The following C19orf81 variants were observed in gnomAD, a reference collection of about 807,000 sequenced individuals.
C19orf81 encodes putative uncharacterized protein C19orf81.
A neutral mutation model predicts 22.1 loss-of-function variants in C19orf81; 19 were observed. The observed-to-expected ratio is 0.86, with a 90% CI of 0.60 to 1.26. C19orf81 has a LOEUF of 1.26. Among genes scored for constraint, C19orf81 ranks in the 50% most tolerant of loss-of-function variants. The pLI, the probability that C19orf81 is intolerant of heterozygous loss-of-function variation, is 0.00. For synonymous variants in C19orf81, 108 were observed against 113.1 expected, an observed-to-expected ratio of 0.95 and a Z score of 0.29; for missense variants, 287 against 280.7, an observed-to-expected ratio of 1.02 and a Z score of -0.16.
rs1004477651 is a variant in C19orf81 at position 50,650,266 on chromosome 19, C to T, written c.67+755C>T. Reference sequence around the variant, plus strand: ...TGCTGACAACTTCAGGCTCCTAGCCCAGCACTTCCTGCTAGCACTCTGTGC... The same window carrying T: ...TGCTGACAACTTCAGGCTCCTAGCCTAGCACTTCCTGCTAGCACTCTGTGC... On this transcript the variant is annotated intron_variant, in intron 1 of 4. Transcript: ENST00000425202. Among the ~76,000 whole-genome samples, 32 of 152,302 alleles carry T rather than the reference C, an allele frequency of 2.1e-4. 1 individual carries two copies. Among genetic ancestry groups the T allele is most frequent in the Admixed American group, 1.8e-3 (28 of 15,302 alleles).
In C19orf81 at chr19:50,659,273, T is replaced by A; in HGVS notation, c.*131T>A. ...GGCCGGCTCGAGGGGGTGGATACTG[T>A]GAGTTTAATTATAAAGAATGACCTG... On this transcript the variant is annotated 3_prime_UTR_variant, in exon 5 of 5. Coordinates refer to ENST00000425202, the MANE Select transcript of C19orf81 (RefSeq NM_001195076.2). 1 of 679,358 alleles carries A rather than the reference T, an allele frequency of 1.5e-6. No homozygotes were observed. The highest frequency in any genetic ancestry group is 2.1e-6 in the Non-Finnish European group (1 of 479,560). 42.1% of individuals were successfully genotyped at this position (679,358 alleles called of 1,614,324 possible). A position where few individuals can be genotyped will look rare whatever the true frequency, so the allele number is the denominator to read the frequency against.
chr19:50,658,221 G>A lies in C19orf81; in HGVS notation c.401+93G>A, dbSNP rs1985044424. ...AGCGTGGTTGGTTTTAGAGCGCTGAGGGACGTGGCCAAGAGTGAAAGCATG... is the reference window on the plus strand; with the variant it reads ...AGCGTGGTTGGTTTTAGAGCGCTGAAGGACGTGGCCAAGAGTGAAAGCATG... On this transcript the variant is annotated intron_variant, in intron 4 of 4. Transcript: ENST00000425202. 36 of 1,309,386 alleles carry A rather than the reference G, an allele frequency of 2.7e-5. 1 individual carries two copies. In the Middle Eastern group the frequency reaches 8.0e-4, roughly 29 times the overall value. 81.1% of individuals were successfully genotyped at this position (1,309,386 alleles called of 1,614,324 possible). A position where few individuals can be genotyped will look rare whatever the true frequency, so the allele number is the denominator to read the frequency against.
intron 1 of C19orf81, among the ~76,000 whole-genome samples, chr19:50,654,140 G>A (rs1265203714): frequency 1.3e-5 from 2 of 152,066 alleles, no homozygotes; most frequent in Admixed American, 1.3e-4. Flanking sequence ...CACCAGGGCC[G>A]GGCTGTCAGT....
chr19:50,650,804 C>A (rs185536120), intron 1 of C19orf81, among the ~76,000 whole-genome samples: 1 of 152,232 alleles, frequency 6.6e-6, no homozygotes, highest in South Asian at 2.1e-4. Flanking sequence ...GCAAAACAGG[C>A]GTTGTTTCTC....
rs971548314 is a variant in C19orf81 at position 50,649,517 on chromosome 19, G to A, written c.67+6G>A. On this transcript the variant is annotated splice_donor_region_variant and intron_variant, in intron 1 of 4. Coordinates refer to ENST00000425202, the MANE Select transcript of C19orf81 (RefSeq NM_001195076.2). Reference sequence around the variant, plus strand: ...CACCATGCACAGGAAGGCAGGTACTGAGCTGTGTCTTTGGGGGAAGGGGTG... The same window carrying A: ...CACCATGCACAGGAAGGCAGGTACTAAGCTGTGTCTTTGGGGGAAGGGGTG... 3.5e-5 allele frequency: 53 copies of A among 1,536,014 alleles called. No homozygotes were observed. Among genetic ancestry groups the A allele is most frequent in the Middle Eastern group, 1.7e-4 (1 of 6,010 alleles).
intron 4 of C19orf81, chr19:50,658,382 T>G (rs1985050264): frequency 3.0e-5 from 6 of 201,090 alleles, no homozygotes; most frequent in African/African-American, 1.3e-4. Flanking sequence ...GAGTGACAGC[T>G]TGGGGGGGCG....
chr19:50,657,033 G>A (rs934510167), intron 3 of C19orf81, among the ~76,000 whole-genome samples: 3 of 151,132 alleles, frequency 2.0e-5, no homozygotes, highest in African/African-American at 7.3e-5. Flanking sequence ...GGAAGGGAGG[G>A]AGGGAAAGAA....
At position 50,656,353 on chromosome 19, in the gene C19orf81, G is replaced by A. The variant is rs1050206561; in HGVS notation, c.261+7G>A. The A allele has an allele frequency of 2.3e-5, 35 of 1,532,658 alleles. No homozygotes were observed. The highest frequency in any genetic ancestry group is 3.1e-5 in the Non-Finnish European group (35 of 1,144,834). The allele number at this position is 1,532,658 out of a possible 1,614,324, so 94.9% of individuals were successfully genotyped here. A position where few individuals can be genotyped will look rare whatever the true frequency, so the allele number is the denominator to read the frequency against. ...CCTCTGCATGGAGACCTTGGTGAGT[G>A]GACCTGTGCCCTTATTTTCTGCACA... On this transcript the variant is annotated splice_region_variant and intron_variant, in intron 3 of 4. Coordinates refer to ENST00000425202, the MANE Select transcript of C19orf81 (RefSeq NM_001195076.2).
At chr19:50,655,955 G>T in intron 1 of C19orf81, 95 bp from the exon 2 acceptor site, 1 of 1,168,648 alleles carries the variant, frequency 8.6e-7, no homozygotes, top group Non-Finnish European at 1.2e-6. Flanking sequence ...AGCTATTCTG[G>T]GTGTGGCATG....
chr19:50,653,582 G>T (rs1198051314), intron 1 of C19orf81, among the ~76,000 whole-genome samples: 3 of 151,956 alleles, frequency 2.0e-5, no homozygotes, highest in African/African-American at 7.3e-5. Flanking sequence ...ACGTGTGTGT[G>T]TGAGAGTGTG....
chr19:50,653,380 G>T (rs150603106), intron 1 of C19orf81, among the ~76,000 whole-genome samples: 36 of 152,170 alleles, frequency 2.4e-4, no homozygotes, highest in African/African-American at 7.9e-4. Context: ...ATATAAAAGG[G>T]ACAGTAAGCA....
In C19orf81 at chr19:50,659,028, GATC is replaced by G; in HGVS notation, c.484_486del (p.Ile162del). 6.5e-7 allele frequency: 1 copy of G among 1,529,708 alleles called. No individual in the cohort carries two copies. Among genetic ancestry groups the G allele is most frequent in the Non-Finnish European group, 8.7e-7 (1 of 1,143,526 alleles). 94.8% of individuals were successfully genotyped at this position (1,529,708 alleles called of 1,614,324 possible). ...TCAGTCCCCGCGGGCTTGCGCACCA[GATC>G]GTGCGCCACGACGACCTCCTGCTGG... On this transcript the variant is annotated inframe_deletion, in exon 5 of 5. Transcript: ENST00000425202.
intron 1 of C19orf81, among the ~76,000 whole-genome samples, chr19:50,655,485 CTAAAAATACAAAAATTAGCT>C (rs1984974774): frequency 6.6e-6 from 1 of 151,982 alleles, no homozygotes. Context: ...CCCGTCTCTA[CTAAAAATACAAAAATTAGCT>C]GGGCGTGGTA....
chr19:50,656,450 C>T, intron 3 of C19orf81, 104 bp downstream of exon 3: 3 of 1,402,404 alleles, frequency 2.1e-6, no homozygotes, highest in Non-Finnish European at 2.8e-6. Context: ...AGGCTTTTGG[C>T]TTATAAGCTG....
At position 50,649,502 on chromosome 19, in the gene C19orf81, A is replaced by G; in HGVS notation, c.58A>G (p.Arg20Gly). 1 of 1,536,212 alleles carries G rather than the reference A, an allele frequency of 6.5e-7. No individual in the cohort carries two copies. Among genetic ancestry groups the G allele is most frequent in the Non-Finnish European group, 8.7e-7 (1 of 1,146,858 alleles). Residue 20 changes from arginine (R) to glycine (G), a missense_variant, in exon 1 of 5, where the codon AGG (arginine) becomes GGG (glycine). Transcript: ENST00000425202. Reference protein sequence around the residue: ...FPAMGSPTMHRKAGALLMDLE... With the variant: ...FPAMGSPTMHGKAGALLMDLE... ...TGCCATGGGCAGCCCCACCATGCAC[A>G]GGAAGGCAGGTACTGAGCTGTGTCT...
intron 3 of C19orf81, 78 bp downstream of exon 3, chr19:50,656,424 G>C: frequency 2.1e-6 from 3 of 1,455,094 alleles, no homozygotes; most frequent in Non-Finnish European, 2.7e-6. Context: ...AAGCAGTGTG[G>C]CCAGAGTTTA....
At chr19:50,651,472 T>A (rs374175512) in intron 1 of C19orf81, among the ~76,000 whole-genome samples, 1 of 152,192 alleles carries the variant, frequency 6.6e-6, no homozygotes, top group South Asian at 2.1e-4. Flanking sequence ...AAACACACAT[T>A]GCCCTTTATC....
chr19:50,657,133 T>C (rs1383392472), intron 3 of C19orf81, among the ~76,000 whole-genome samples: 1 of 152,020 alleles, frequency 6.6e-6, no homozygotes, highest in African/African-American at 2.4e-5. Flanking sequence ...CACTCAACAA[T>C]TGACTGAGAA....
At chr19:50,652,750 G>C (rs1314068837) in intron 1 of C19orf81, among the ~76,000 whole-genome samples, 22 of 152,170 alleles carry the variant, frequency 1.4e-4, no homozygotes, top group Admixed American at 7.9e-4. Context: ...TGAGGAAGGG[G>C]CCATAGGGTC....
Sources: gnomAD v4.1 joint callset for allele counts (sites outside exome capture counted in the v4.1 genomes callset) on GRCh38, gnomAD v4.1.1 for gene constraint, MANE v1.5 for transcripts, NCBI Gene and HGNC (gene_info 2026-07-23, HGNC 2026-07-21) for gene names.